Variants in SORBS2 observed in about 807,000 individuals in gnomAD.
SORBS2 encodes sorbin and SH3 domain containing 2.
SORBS2 carries 46 observed loss-of-function variants against 97.7 expected under a neutral mutation model. The ratio of observed to expected loss-of-function variants is 0.47; its 90% CI spans 0.37 to 0.60. The LOEUF (loss-of-function observed/expected upper bound fraction) is 0.60. Among genes scored for constraint, SORBS2 ranks in the 20% least tolerant of loss-of-function variants. The pLI is 0.00. For synonymous variants in SORBS2, 476 were observed against 473.4 expected (o/e 1.01, Z -0.07); for missense variants, 1,316 against 1,282.3 (o/e 1.03, Z -0.40).
At chr4:185,872,972 C>G (rs993770551) in intron 1 of SORBS2, among the ~76,000 whole-genome samples, 2 of 152,184 alleles carry the variant, frequency 1.3e-5, no homozygotes, top group African/African-American at 4.8e-5. Flanking sequence ...ATGGCAGGTA[C>G]GTCAGCCACC....
At chr4:185,817,146 C>T (rs7674346) in intron 1 of SORBS2, among the ~76,000 whole-genome samples, 1 of 151,580 alleles carries the variant, frequency 6.6e-6, no homozygotes, top group Non-Finnish European at 1.5e-5. Context: ...ACTACTTTAT[C>T]GTAAAATGTG....
intron 2 of SORBS2, among the ~76,000 whole-genome samples, chr4:185,679,494 T>C (rs777833527): frequency 1.3e-5 from 2 of 152,244 alleles, no homozygotes; most frequent in Non-Finnish European, 2.9e-5. Flanking sequence ...TTATCAGTGA[T>C]ATATTTGTTA....
chr4:185,910,936 T>C (rs2099254672), intron 1 of SORBS2, among the ~76,000 whole-genome samples: 1 of 152,132 alleles, frequency 6.6e-6, no homozygotes, highest in African/African-American at 2.4e-5. Context: ...TCGTTTCTTA[T>C]ATACAATGCG....
chr4:185,712,291 G>A (rs1050863507), intron 2 of SORBS2, among the ~76,000 whole-genome samples: 10 of 152,138 alleles, frequency 6.6e-5, no homozygotes, highest in South Asian at 2.1e-4. Context: ...GCTTGACGGC[G>A]TAACTTCGGA....
In SORBS2 at chr4:185,635,228, T is replaced by C. The variant is rs987736090; in HGVS notation, c.397-4630A>G. 47 of 677,596 alleles carry C rather than the reference T, an allele frequency of 6.9e-5. No individual in the cohort carries two copies. In the Admixed American group the frequency reaches 9.8e-4, roughly 14 times the overall value. 42.0% of individuals were successfully genotyped at this position (677,596 alleles called of 1,614,324 possible). ...AATGATACTGGATGCAACATAATGA[T>C]GCAAAGATAGATATTTTTTCAAAAA... is the stretch of plus-strand genomic sequence containing the variant. On this transcript the variant is annotated intron_variant, in intron 4 of 14. Transcript: ENST00000418609.
intron 2 of SORBS2, among the ~76,000 whole-genome samples, chr4:185,712,864 G>A (rs1583258274): frequency 6.6e-6 from 1 of 152,160 alleles, no homozygotes; most frequent in Admixed American, 6.5e-5. Context: ...ATCCTGCATC[G>A]CTACTGTCTC....
intron 4 of SORBS2, among the ~76,000 whole-genome samples, chr4:185,631,742 A>C (rs908274518): frequency 4.6e-5 from 7 of 152,154 alleles, no homozygotes; most frequent in African/African-American, 1.4e-4. Context: ...AGCCTGGGCC[A>C]TGAGAGTGAA....
intron 2 of SORBS2, among the ~76,000 whole-genome samples, chr4:185,692,151 G>T (rs972200810): frequency 6.6e-6 from 1 of 152,238 alleles, no homozygotes; most frequent in African/African-American, 2.4e-5. Flanking sequence ...CGCTGATAAG[G>T]TAGCAAATCT....
chr4:185,739,732 A>G (rs1225537036), intron 2 of SORBS2, among the ~76,000 whole-genome samples: 2 of 152,216 alleles, frequency 1.3e-5, no homozygotes, highest in Non-Finnish European at 2.9e-5. Flanking sequence ...GAGATGTGAC[A>G]TTTCAGAAAG....
At chr4:185,761,462 A>G (rs2098890687) in intron 2 of SORBS2, 1 of 152,284 alleles carries the variant, frequency 6.6e-6, no homozygotes, top group Non-Finnish European at 1.5e-5. Context: ...AAAGGCCATC[A>G]CATAAATTCA....
intron 1 of SORBS2, among the ~76,000 whole-genome samples, chr4:185,865,026 C>T (rs1353923642): frequency 6.6e-6 from 1 of 152,016 alleles, no homozygotes; most frequent in Non-Finnish European, 1.5e-5. Flanking sequence ...ATGCTTTGGG[C>T]TCAATCTTTA....
intron 2 of SORBS2, among the ~76,000 whole-genome samples, chr4:185,769,231 T>A (rs1219429152): frequency 6.6e-6 from 1 of 152,204 alleles, no homozygotes; most frequent in African/African-American, 2.4e-5. Context: ...CAGATCCAAA[T>A]GTGAAATTCG....
At chr4:185,750,187 C>CT (rs1324630619) in intron 2 of SORBS2, among the ~76,000 whole-genome samples, 1 of 152,236 alleles carries the variant, frequency 6.6e-6, no homozygotes, top group Non-Finnish European at 1.5e-5. Flanking sequence ...CTTAAGAACT[C>CT]TTTCGAAACT....
At chr4:185,608,541 A>G (rs1336468495) in intron 12 of SORBS2, among the ~76,000 whole-genome samples, 1 of 152,160 alleles carries the variant, frequency 6.6e-6, no homozygotes, top group Non-Finnish European at 1.5e-5. Context: ...AGTATTACTG[A>G]TGTATTTTGG....
chr4:185,933,812 G>C (rs1178552149), intron 1 of SORBS2, among the ~76,000 whole-genome samples: 4 of 152,166 alleles, frequency 2.6e-5, no homozygotes, highest in Non-Finnish European at 5.9e-5. Context: ...ATATGAATTG[G>C]AAAGGAAACA....
In SORBS2 at chr4:185,820,880, G is replaced by T. The variant is rs186230208; in HGVS notation, c.-337-45514C>A. ...GGCTCAGTATCGTACCTGGGCTGTG[G>T]AGGATACAGAAATGCCGAATGAACA... On this transcript the variant is annotated intron_variant, in intron 1 of 20. Coordinates refer to the SORBS2 transcript ENST00000284776. Among the ~76,000 whole-genome samples the T allele has an allele frequency of 1.6e-4, 24 of 152,334 alleles. No individual in the cohort carries two copies. In the East Asian group the frequency reaches 4.4e-3, roughly 28 times the overall value.
At chr4:185,805,750 T>C (rs1430787964) in intron 1 of SORBS2, among the ~76,000 whole-genome samples, 3 of 152,228 alleles carry the variant, frequency 2.0e-5, no homozygotes, top group Non-Finnish European at 4.4e-5. Context: ...TTTTGAGATA[T>C]TGAGCAAACT....
At chr4:185,724,689 T>C (rs2153564166) in intron 2 of SORBS2, among the ~76,000 whole-genome samples, 1 of 152,318 alleles carries the variant, frequency 6.6e-6, no homozygotes, top group South Asian at 2.1e-4. Context: ...CACTCTCGTC[T>C]TCGGCCACCT....
chr4:185,705,554 A>G (rs75215782), intron 2 of SORBS2, among the ~76,000 whole-genome samples: 2 of 152,150 alleles, frequency 1.3e-5, no homozygotes, highest in African/African-American at 4.8e-5. Flanking sequence ...CAAAAAATAT[A>G]TATAAAATCA....
Sources: allele counts gnomAD v4.1 joint callset (sites outside exome capture counted in the v4.1 genomes callset), GRCh38; gene constraint gnomAD v4.1.1; transcripts MANE v1.5; gene names NCBI Gene and HGNC (gene_info 2026-07-23, HGNC 2026-07-21).